HK2: variants seen among roughly 807,000 people sequenced by gnomAD.
HK2 encodes hexokinase 2.
Under a neutral mutation model 92.9 loss-of-function variants are expected in HK2, and 42 were observed. That is an observed-to-expected ratio of 0.45 (90% CI 0.35 to 0.58). HK2 has a LOEUF of 0.58. HK2 is among the 20% of genes least tolerant of loss of function. The pLI is 0.00. For synonymous variants in HK2, 422 were observed against 468.0 expected, an observed-to-expected ratio of 0.90 and a Z score of 1.27; for missense variants, 978 against 1,245.1, an observed-to-expected ratio of 0.79 and a Z score of 3.23.
chr2:74,890,826 A>G lies in HK2; in HGVS notation c.2639A>G (p.Lys880Arg). 9 of 1,614,172 alleles carry G rather than the reference A, an allele frequency of 5.6e-6. No homozygotes were observed. The highest frequency in any genetic ancestry group is 7.6e-6 in the Non-Finnish European group (9 of 1,180,018). ...GCCAAAGTCATGCATGAGACAGTGA[A>G]GGACCTGGCTCCGAAATGTGATGTG... ...HFAKVMHETV[K>R]DLAPKCDVSF... is the part of the protein sequence containing the mutation. Residue 880 changes from lysine to arginine, a missense_variant, in exon 18 of 18, where the codon AAG (lysine) becomes AGG (arginine). Transcript: ENST00000290573.
At chr2:74,839,066 T>C (rs1337803924) in intron 1 of HK2, among the ~76,000 whole-genome samples, 1 of 152,194 alleles carries the variant, frequency 6.6e-6, no homozygotes, top group African/African-American at 2.4e-5. Context: ...TGACCTTCAA[T>C]GCTGGGCTTG....
At chr2:74,854,216 G>T in intron 1 of HK2, 77 bp from the exon 2 acceptor site, 5 of 1,331,626 alleles carry the variant, frequency 3.8e-6, no homozygotes, top group Non-Finnish European at 5.4e-6. Context: ...GAAGAGCTGA[G>T]TGGTGTTCCA....
At chr2:74,862,542 C>T (rs569680912) in intron 2 of HK2, among the ~76,000 whole-genome samples, 4 of 152,262 alleles carry the variant, frequency 2.6e-5, no homozygotes, top group Non-Finnish European at 4.4e-5. Context: ...AAAGGGAGAC[C>T]GGGCTGGTGA....
chr2:74,877,642 T>C (rs2103974986), intron 8 of HK2, among the ~76,000 whole-genome samples: 1 of 152,310 alleles, frequency 6.6e-6, no homozygotes, highest in South Asian at 2.1e-4. Flanking sequence ...TGCATCTGCC[T>C]CCTTTTCCTT....
intron 8 of HK2, 150 bp from the exon 9 acceptor site, chr2:74,878,538 T>C: frequency 1.4e-6 from 1 of 720,970 alleles, no homozygotes; most frequent in Non-Finnish European, 2.5e-6. Context: ...CTCCTGCCCC[T>C]GCACAGGTGG....
rs375206881 is a variant in HK2, at chr2:74,882,165, A to T, written c.1765A>T (p.Met589Leu). The change falls in exon 12 of 18, where the codon ATG becomes TTG. Residue 589 changes from methionine (M) to leucine (L), a missense_variant. Physicochemically the swap from Met to Leu is conservative, Grantham distance 15. This residue lies in a region of HK2 where 742 missense variants were observed against 922.5 expected (regional missense o/e 0.80). Coordinates refer to ENST00000290573, the MANE Select transcript of HK2 (RefSeq NM_000189.5). ...VQCIADFLEY[M>L]GMKGVSLPLG... is the part of the protein sequence containing the mutation. The stretch of plus-strand genomic sequence containing the variant: ...GTGCATCGCGGACTTCCTCGAGTAC[A>T]TGGGCATGAAGGGCGTGTCCCTGCC... The T allele has an allele frequency of 1.2e-6, 2 of 1,614,016 alleles. No individual in the cohort carries two copies. The highest frequency in any genetic ancestry group is 1.7e-6 in the Non-Finnish European group (2 of 1,180,022).
At chr2:74,881,555 G>A (rs2103991865) in intron 10 of HK2, among the ~76,000 whole-genome samples, 156 bp from the exon 11 acceptor site, 1 of 152,316 alleles carries the variant, frequency 6.6e-6, no homozygotes, top group Admixed American at 6.5e-5. Flanking sequence ...CTTCCTTCAG[G>A]GAGCTGGACT....
intron 1 of HK2, among the ~76,000 whole-genome samples, chr2:74,843,202 G>A (rs1688357221): frequency 1.3e-5 from 2 of 152,132 alleles, no homozygotes; most frequent in Non-Finnish European, 2.9e-5. Context: ...GATTGGGTGA[G>A]GTTCCCTGGG....
rs558222963 is a variant in HK2 at position 74,858,974 on chromosome 2, A to G, written c.226+4519A>G. On this transcript the variant is annotated intron_variant, in intron 2 of 17. Coordinates refer to ENST00000290573, the MANE Select transcript of HK2 (RefSeq NM_000189.5). The stretch of plus-strand genomic sequence containing the variant: ...CACAGTGTGAAGAAACACAGTTGGC[A>G]TAATTAAAAGTGCAATAGACATAAA... Among the ~76,000 whole-genome samples, 145 of 152,384 alleles carry G rather than the reference A, an allele frequency of 9.5e-4. 4 individuals carry two copies. The South Asian group carries it at 0.029, about 30-fold the overall frequency.
chr2:74,880,417 C>A lies in HK2; in HGVS notation c.1418C>A (p.Thr473Lys). The change falls in exon 10 of 18, where the codon ACA (threonine) becomes AAA (lysine). Residue 473 changes from threonine (T) to lysine (K), a missense_variant. By Grantham distance (78) the Thr-to-Lys change is moderately conservative (BLOSUM62 -1). Transcript: ENST00000290573. ...GATCAACACCGTGCCCGCCAGAAGA[C>A]ATTAGAGCATCTGCAGCTGAGCCAT... ...LADQHRARQK[T>K]LEHLQLSHDQ... 6.2e-7 allele frequency: 1 copy of A among 1,614,232 alleles called. No individual in the cohort carries two copies. The highest frequency in any genetic ancestry group is 8.5e-7 in the Non-Finnish European group (1 of 1,180,048).
At chr2:74,846,798 C>T (rs528861700) in intron 1 of HK2, among the ~76,000 whole-genome samples, 1 of 152,288 alleles carries the variant, frequency 6.6e-6, no homozygotes, top group Non-Finnish European at 1.5e-5. Flanking sequence ...TGGTGTGAGC[C>T]ACTGTGCCCA....
At chr2:74,850,497 T>A (rs1688540264) in intron 1 of HK2, among the ~76,000 whole-genome samples, 1 of 152,208 alleles carries the variant, frequency 6.6e-6, no homozygotes, top group Non-Finnish European at 1.5e-5. Flanking sequence ...TAAATTCGAA[T>A]ACTATGTTTA....
At chr2:74,841,639 C>T (rs1439240942) in intron 1 of HK2, among the ~76,000 whole-genome samples, 1 of 152,214 alleles carries the variant, frequency 6.6e-6, no homozygotes, top group African/African-American at 2.4e-5. Flanking sequence ...CAGTTCACAG[C>T]AGTCTGCAGA....
chr2:74,846,656 G>T (rs919798540), intron 1 of HK2, among the ~76,000 whole-genome samples: 8 of 152,116 alleles, frequency 5.3e-5, no homozygotes, highest in Non-Finnish European at 1.2e-4. Flanking sequence ...CACCACTCTG[G>T]CTTGTTTTTG....
chr2:74,875,747 G>A (rs1291867248), intron 7 of HK2, among the ~76,000 whole-genome samples: 1 of 152,224 alleles, frequency 6.6e-6, no homozygotes, highest in Non-Finnish European at 1.5e-5. Flanking sequence ...TGTCTGCCAT[G>A]GCTGATGAGA....
chr2:74,840,605 C>A (rs530750808), intron 1 of HK2, among the ~76,000 whole-genome samples: 1 of 151,558 alleles, frequency 6.6e-6, no homozygotes, highest in Non-Finnish European at 1.5e-5. Context: ...CGGTGGCTCA[C>A]GCCTGTAATC....
At chr2:74,884,344 C>T (rs1483273328) in intron 12 of HK2, among the ~76,000 whole-genome samples, 6 of 152,362 alleles carry the variant, frequency 3.9e-5, no homozygotes, top group Non-Finnish European at 1.5e-5. Flanking sequence ...AGTGCAGAGG[C>T]CCCTGGGGTT....
At chr2:74,835,491 C>A (rs1688139966) in intron 1 of HK2, among the ~76,000 whole-genome samples, 1 of 152,226 alleles carries the variant, frequency 6.6e-6, no homozygotes, top group Non-Finnish European at 1.5e-5. Context: ...CCTGTCTGTT[C>A]CCACCTGGCT....
chr2:74,862,044 G>A (rs1203597121), intron 2 of HK2, among the ~76,000 whole-genome samples: 2 of 152,186 alleles, frequency 1.3e-5, no homozygotes, highest in Non-Finnish European at 2.9e-5. Flanking sequence ...TGATGGTGAC[G>A]GTGATGATGA....
Sources: gnomAD v4.1 joint callset for allele counts (sites outside exome capture counted in the v4.1 genomes callset) on GRCh38, gnomAD v4.1.1 for gene constraint, gnomAD v4.1.1 regional missense constraint, MANE v1.5 for transcripts, NCBI Gene and HGNC (gene_info 2026-07-23, HGNC 2026-07-21) for gene names.